Variants in VAC14 observed in about 807,000 individuals in gnomAD.
VAC14 encodes the protein protein VAC14 homolog.
Under a neutral mutation model 85.3 loss-of-function variants are expected in VAC14, and 47 were observed. The observed-to-expected ratio is 0.55, with a 90% CI of 0.44 to 0.70. The LOEUF (loss-of-function observed/expected upper bound fraction) is 0.70. Ranked by LOEUF, VAC14 falls within the 30% of genes least tolerant of loss-of-function variation. The probability of loss-of-function intolerance (pLI) is 0.00; values close to 1 mark genes in which losing one functional copy is unlikely to be tolerated. For synonymous variants in VAC14, 447 were observed against 430.5 expected (o/e 1.04, Z -0.47); for missense variants, 861 against 1,004.3 (o/e 0.86, Z 1.93).
intron 14 of VAC14, among the ~76,000 whole-genome samples, chr16:70,701,529 C>A (rs979602661): frequency 1.3e-5 from 2 of 152,152 alleles, no homozygotes; most frequent in African/African-American, 4.8e-5. Context: ...CCACCCTGCC[C>A]CACACACCCG....
chr16:70,772,246 GCA>G, intron 9 of VAC14, 74 bp from the exon 10 acceptor site: 1 of 1,312,972 alleles, frequency 7.6e-7, no homozygotes, highest in East Asian at 2.3e-5. Flanking sequence ...CCTGTGACAA[GCA>G]CACACAGAAC....
chr16:70,726,300 C>T (rs576841583), intron 14 of VAC14, among the ~76,000 whole-genome samples: 7 of 152,356 alleles, frequency 4.6e-5, no homozygotes, highest in Admixed American at 2.0e-4. Context: ...GGAGCCGGGC[C>T]GGGCCGCTGG....
At chr16:70,728,656 A>G (rs557063488) in intron 14 of VAC14, among the ~76,000 whole-genome samples, 1 of 152,248 alleles carries the variant, frequency 6.6e-6, no homozygotes, top group South Asian at 2.1e-4. Context: ...CAGCCTGGAG[A>G]TGCTGGTTAC....
intron 13 of VAC14, among the ~76,000 whole-genome samples, chr16:70,732,087 G>A (rs531822667): frequency 6.6e-6 from 1 of 152,202 alleles, no homozygotes; most frequent in Non-Finnish European, 1.5e-5. Context: ...ACTTGTGTCA[G>A]TGAGTCAAGT....
chr16:70,784,019 A>G (rs2033935276), intron 5 of VAC14, 94 bp downstream of exon 5: 3 of 981,042 alleles, frequency 3.1e-6, no homozygotes, highest in Non-Finnish European at 4.8e-6. Flanking sequence ...GAGAACATGG[A>G]GGGTTCCTAT....
chr16:70,801,127 A>ACTCACGAGACAGCGGCC lies in VAC14; in HGVS notation c.-244_-228dup. On this transcript the variant is annotated 5_prime_UTR_variant, in exon 1 of 19. Transcript: ENST00000261776. ...ACAACTCCCGCCCGGCACTAGCGGG[A>ACTCACGAGACAGCGGCC]CTCACGAGACAGCGGCCATGTTACT... The ACTCACGAGACAGCGGCC allele has an allele frequency of 2.4e-6, 1 of 423,266 alleles. No homozygotes were observed. Among genetic ancestry groups the ACTCACGAGACAGCGGCC allele is most frequent in the Non-Finnish European group, 4.2e-6 (1 of 240,836 alleles). The allele number at this position is 423,266 out of a possible 1,614,324, so 26.2% of individuals were successfully genotyped here. A position where few individuals can be genotyped will look rare whatever the true frequency, so the allele number is the denominator to read the frequency against.
At chr16:70,697,998 G>C (rs2053748604) in intron 15 of VAC14, among the ~76,000 whole-genome samples, 2 of 152,164 alleles carry the variant, frequency 1.3e-5, no homozygotes, top group African/African-American at 4.8e-5. Flanking sequence ...ACCCCAGCCG[G>C]GACACGAGAG....
At chr16:70,702,370 C>T (rs887827617) in intron 14 of VAC14, among the ~76,000 whole-genome samples, 1 of 152,052 alleles carries the variant, frequency 6.6e-6, no homozygotes, top group Non-Finnish European at 1.5e-5. Context: ...CTCTGAGCAT[C>T]GCTAATTAAA....
chr16:70,705,035 C>T (rs1174712771), intron 14 of VAC14, among the ~76,000 whole-genome samples: 1 of 152,234 alleles, frequency 6.6e-6, no homozygotes, highest in Non-Finnish European at 1.5e-5. Context: ...TTCCCAGGTC[C>T]CTCTGCTGTT....
chr16:70,689,501 A>C (rs12599324), intron 18 of VAC14: 1 of 985,348 alleles, frequency 1.0e-6, no homozygotes, highest in Non-Finnish European at 1.2e-6. Context: ...GGGCAGGACC[A>C]GGGCAGGGGG....
In VAC14 at chr16:70,787,765, G is replaced by A. The variant is rs116390062; in HGVS notation, c.105-1400C>T. The stretch of plus-strand genomic sequence containing the variant: ...ACCCTGGTAGCAGAGGTGAGGATGC[G>A]GAAGTAGCCAACCTTGTCTGGGGCC... On this transcript the variant is annotated intron_variant, in intron 1 of 18. Coordinates refer to ENST00000261776, the MANE Select transcript of VAC14 (RefSeq NM_018052.5). Among the ~76,000 whole-genome samples, 396 of 152,324 alleles carry A rather than the reference G, an allele frequency of 2.6e-3. 7 individuals carry two copies. The highest frequency in any genetic ancestry group is 8.9e-3 in the African/African-American group (369 of 41,576).
intron 9 of VAC14, chr16:70,773,016 A>G (rs990325675): frequency 3.3e-5 from 5 of 152,224 alleles, no homozygotes; most frequent in Admixed American, 1.3e-4. Flanking sequence ...AGTGTTTAGA[A>G]CAGGCAAACC....
chr16:70,692,989 C>T lies in VAC14; in HGVS notation c.2036-18G>A. 6 of 1,605,602 alleles carry T rather than the reference C, an allele frequency of 3.7e-6. No individual in the cohort carries two copies. Among genetic ancestry groups the T allele is most frequent in the Non-Finnish European group, 5.1e-6 (6 of 1,176,642 alleles). ...GCGCAGATCTGGGGTAGGCAGAGGG[C>T]AGGGGTCAGGGACCTGGCACTGCTC... On this transcript the variant is annotated intron_variant, in intron 17 of 18. Transcript: ENST00000261776.
intron 1 of VAC14, among the ~76,000 whole-genome samples, chr16:70,791,751 C>T (rs1203919381): frequency 6.6e-6 from 1 of 152,164 alleles, no homozygotes; most frequent in Non-Finnish European, 1.5e-5. Flanking sequence ...AGCACTAGGC[C>T]TCTCTCCGAG....
chr16:70,701,960 G>C (rs901354731), intron 14 of VAC14, among the ~76,000 whole-genome samples: 1 of 152,176 alleles, frequency 6.6e-6, no homozygotes, highest in Admixed American at 6.5e-5. Context: ...TCGAGGCCTG[G>C]GCTCCAACCT....
intron 3 of VAC14, 63 bp downstream of exon 3, chr16:70,785,639 G>A: frequency 6.7e-7 from 1 of 1,488,406 alleles, no homozygotes; most frequent in Non-Finnish European, 9.0e-7. Flanking sequence ...CAAGGTTCCA[G>A]AAGGTCAAGT....
chr16:70,739,128 C>A (rs1332363626), intron 13 of VAC14, among the ~76,000 whole-genome samples: 3 of 152,232 alleles, frequency 2.0e-5, no homozygotes, highest in Non-Finnish European at 4.4e-5. Context: ...TGGGAGCTCA[C>A]AGAGCCCCCA....
intron 12 of VAC14, chr16:70,747,378 C>T (rs1380517298): frequency 6.6e-6 from 1 of 151,910 alleles, no homozygotes; most frequent in African/African-American, 2.4e-5. Context: ...TGAAAATGTT[C>T]TGGAATTAGT....
intron 18 of VAC14, chr16:70,688,943 A>G (rs752050831): frequency 3.5e-5 from 34 of 985,386 alleles, no homozygotes; most frequent in Non-Finnish European, 4.1e-5. Flanking sequence ...GCTAGGAAGT[A>G]TCTGTTTCCA....
Sources: allele counts gnomAD v4.1 joint callset (sites outside exome capture counted in the v4.1 genomes callset), GRCh38; gene constraint gnomAD v4.1.1; transcripts MANE v1.5; gene names NCBI Gene and HGNC (gene_info 2026-07-23, HGNC 2026-07-21).